The following MOCS2 variants were observed in gnomAD, a reference collection of about 807,000 sequenced individuals.
MOCS2 encodes the protein molybdenum cofactor synthesis 2, also known as molybdopterin synthase catalytic subunit.
In MOCS2, 13 loss-of-function variants were observed where a neutral mutation model predicts 21.9. The ratio of observed to expected loss-of-function variants is 0.59; its 90% CI spans 0.39 to 0.94. The LOEUF is 0.94. Among genes scored for constraint, MOCS2 ranks in the 40% least tolerant of loss-of-function variants. MOCS2 has a pLI of 0.00. For missense variants in MOCS2, 227 were observed against 218.3 expected, an observed-to-expected ratio of 1.04 and a Z score of -0.25; for synonymous variants, 92 against 80.8, an observed-to-expected ratio of 1.14 and a Z score of -0.74.
intron 3 of MOCS2, among the ~76,000 whole-genome samples, chr5:53,103,807 T>C (rs544147691): frequency 6.6e-6 from 1 of 152,296 alleles, no homozygotes; most frequent in South Asian, 2.1e-4. Context: ...AGAGCCTCTA[T>C]GAAAAGTTGC....
chr5:53,104,058 G>T (rs1740989372), intron 3 of MOCS2, among the ~76,000 whole-genome samples: 1 of 152,194 alleles, frequency 6.6e-6, no homozygotes, highest in Admixed American at 6.5e-5. Flanking sequence ...ACGAGAGAAA[G>T]AAGGCTCAGA....
rs1666113656 is a variant in MOCS2, at chr5:53,109,650, C to A, written c.-569G>T. ...AGGCTGGGTATGTGGAGGGAAAGGG[C>A]GGGAGAGACACGTCGAGGAGGGCTC... On this transcript the variant is annotated 5_prime_UTR_variant, in exon 1 of 7. Transcript: ENST00000396954. 2 of 1,547,462 alleles carry A rather than the reference C, an allele frequency of 1.3e-6. No homozygotes were observed. The highest frequency in any genetic ancestry group is 1.7e-6 in the Non-Finnish European group (2 of 1,145,698).
At position 53,108,652 on chromosome 5, in the gene MOCS2, A is replaced by G. The variant is rs1050876222; in HGVS notation, c.-169-9T>C. The G allele has an allele frequency of 3.1e-6, 5 of 1,611,546 alleles. No homozygotes were observed. The highest frequency in any genetic ancestry group is 1.7e-5 in the Admixed American group (1 of 59,568). ...AAATACAATACTTCAACCTGAAAGT[A>G]AAGAAAATGCTTTTAATAACAACTC... On this transcript the variant is annotated splice_polypyrimidine_tract_variant and intron_variant, in intron 1 of 6. Transcript: ENST00000396954.
chr5:53,098,418 C>T lies in MOCS2; in HGVS notation c.*184G>A. 1.6e-6 allele frequency: 1 copy of T among 615,046 alleles called. No individual in the cohort carries two copies. Among genetic ancestry groups the T allele is most frequent in the Non-Finnish European group, 2.9e-6 (1 of 343,714 alleles). 38.1% of individuals were successfully genotyped at this position (615,046 alleles called of 1,614,324 possible). On this transcript the variant is annotated 3_prime_UTR_variant, in exon 7 of 7. Coordinates refer to ENST00000396954, the MANE Select transcript of MOCS2 (RefSeq NM_004531.5). ...ACAGTCCTCCTTCTATCTTTAGTTC[C>T]ATTTTAAATAACCCTTCATCCTACA...
At position 53,098,667 on chromosome 5, in the gene MOCS2, C is replaced by T. The variant is rs121908605; in HGVS notation, c.502G>A (p.Glu168Lys). The T allele has an allele frequency of 1.2e-6, 2 of 1,611,356 alleles. No individual in the cohort carries two copies. The highest frequency in any genetic ancestry group is 1.7e-6 in the Non-Finnish European group (2 of 1,177,694). Reference protein sequence around the residue: ...LKAKVPIWKKEIYEESSTWKG... With the variant: ...LKAKVPIWKKKIYEESSTWKG... ...CAAGTTGATGACTCTTCGTATATTT[C>T]CTAAAAAACAAAATCATAACAGGTA... The change falls in exon 7 of 7, where the codon GAA becomes AAA. Residue 168 changes from glutamate (E) to lysine (K), a missense_variant and splice_region_variant. Physicochemically the swap from Glu to Lys is moderately conservative, Grantham distance 56. Transcript: ENST00000396954.
intron 6 of MOCS2, among the ~76,000 whole-genome samples, chr5:53,099,499 C>G (rs924737999): frequency 1.3e-5 from 2 of 152,192 alleles, no homozygotes; most frequent in African/African-American, 4.8e-5. Flanking sequence ...AACAATATAT[C>G]TGAGCTTCAC....
chr5:53,097,223 T>G lies in MOCS2; in HGVS notation c.*1379A>C, dbSNP rs1387366510. 6.6e-6 allele frequency: 1 copy of G among 152,210 alleles called. No individual in the cohort carries two copies. Among genetic ancestry groups the G allele is most frequent in the Admixed American group, 6.5e-5 (1 of 15,276 alleles). 9.4% of individuals were successfully genotyped at this position (152,210 alleles called of 1,614,324 possible). A position where few individuals can be genotyped will look rare whatever the true frequency, so the allele number is the denominator to read the frequency against. On this transcript the variant is annotated 3_prime_UTR_variant, in exon 7 of 7. Coordinates refer to ENST00000396954, the MANE Select transcript of MOCS2 (RefSeq NM_004531.5). ...GGACTAATGAACAAGCATCAACTGATGTAACCAGGTGATTCCTAAAGTCAG... is the reference window on the plus strand; with the variant it reads ...GGACTAATGAACAAGCATCAACTGAGGTAACCAGGTGATTCCTAAAGTCAG...
intron 2 of MOCS2, chr5:53,108,087 C>G (rs1021292228): frequency 2.0e-5 from 3 of 152,736 alleles, no homozygotes; most frequent in African/African-American, 7.2e-5. Context: ...TTAAATATTA[C>G]AAAAACTCAA....
rs1740780538 is a variant in MOCS2 at position 53,097,635 on chromosome 5, A to AAG, written c.*965_*966dup. 6.6e-6 allele frequency: 1 copy of AAG among 152,166 alleles called. No homozygotes were observed. Among genetic ancestry groups the AAG allele is most frequent in the African/African-American group, 2.4e-5 (1 of 41,454 alleles). 9.4% of individuals were successfully genotyped at this position (152,166 alleles called of 1,614,324 possible). A position where few individuals can be genotyped will look rare whatever the true frequency, so the allele number is the denominator to read the frequency against. On this transcript the variant is annotated 3_prime_UTR_variant, in exon 7 of 7. Transcript: ENST00000396954. ...GACCTTAAATATTCTCACCACACAG[A>AAG]AGAGGGGACTATGTGAGCTGAGGAA...
intron 3 of MOCS2, among the ~76,000 whole-genome samples, chr5:53,102,941 T>TA (rs1354534369): frequency 2.2e-5 from 3 of 138,296 alleles, no homozygotes; most frequent in African/African-American, 7.8e-5. Flanking sequence ...GACAAAGTGA[T>TA]ACCCCATCTC....
Position 53,107,062 on chromosome 5 carries a change from A to T in MOCS2, c.98+15T>A. On this transcript the variant is annotated intron_variant, in intron 3 of 6. Transcript: ENST00000396954. ...TTCCCCACACGACTGATTAAGAAAA[A>T]CAAATCTCACATACCTAGATGGCTC... The T allele has an allele frequency of 6.2e-7, 1 of 1,613,992 alleles. No individual in the cohort carries two copies. The highest frequency in any genetic ancestry group is 8.5e-7 in the Non-Finnish European group (1 of 1,179,936).
intron 2 of MOCS2, 137 bp downstream of exon 2, chr5:53,108,385 G>A (rs1741107846): frequency 3.6e-6 from 3 of 843,564 alleles, no homozygotes; most frequent in South Asian, 3.4e-5. Context: ...TTTTTCAGGT[G>A]TTCCAAAAAA....
chr5:53,103,216 TAA>T (rs1178169696), intron 3 of MOCS2, among the ~76,000 whole-genome samples: 1 of 152,134 alleles, frequency 6.6e-6, no homozygotes, highest in African/African-American at 2.4e-5. Flanking sequence ...AGGCATGACA[TAA>T]AAAGTAATCC....
chr5:53,107,421 T>C, intron 2 of MOCS2, 200 bp from the exon 3 acceptor site: 1 of 567,166 alleles, frequency 1.8e-6, no homozygotes, highest in East Asian at 3.0e-5. Flanking sequence ...TACGTTAAAC[T>C]GCTGTCAACT....
In MOCS2 at chr5:53,097,531, G is replaced by C. The variant is rs1191408657; in HGVS notation, c.*1071C>G. On this transcript the variant is annotated 3_prime_UTR_variant, in exon 7 of 7. Coordinates refer to ENST00000396954, the MANE Select transcript of MOCS2 (RefSeq NM_004531.5). ...TTAATATGCATAATGCAAATTTTGT[G>C]ATGATGCCGACTGCCCAAATTTTGC... is the stretch of plus-strand genomic sequence containing the variant. 6.6e-6 allele frequency: 1 copy of C among 152,134 alleles called. No individual in the cohort carries two copies. Among genetic ancestry groups the C allele is most frequent in the South Asian group, 2.1e-4 (1 of 4,818 alleles). The allele number at this position is 152,134 out of a possible 1,614,324, so 9.4% of individuals were successfully genotyped here.
At chr5:53,100,619 C>G in intron 5 of MOCS2, 85 bp from the exon 6 acceptor site, 1 of 1,425,520 alleles carries the variant, frequency 7.0e-7, no homozygotes, top group Non-Finnish European at 9.8e-7. Flanking sequence ...GAAAAAAAAT[C>G]CAGGTATGCA....
At chr5:53,101,296 AGAGT>A in intron 5 of MOCS2, 59 bp downstream of exon 5, 1 of 1,454,404 alleles carries the variant, frequency 6.9e-7, no homozygotes, top group South Asian at 1.1e-5. Context: ...TTCAAGAATC[AGAGT>A]TAGTACAAAG....
chr5:53,099,498 T>A (rs977837611), intron 6 of MOCS2, among the ~76,000 whole-genome samples: 2 of 152,216 alleles, frequency 1.3e-5, no homozygotes, highest in African/African-American at 4.8e-5. Context: ...GAACAATATA[T>A]CTGAGCTTCA....
Position 53,108,482 on chromosome 5 carries a change from C to T in MOCS2, c.-48+40G>A, listed in dbSNP as rs153602. ...TATCATTTATGTATTTTGAAAATAT[C>T]TAAGTGTTACTCATATGCATTCTAC... On this transcript the variant is annotated intron_variant, in intron 2 of 6. Coordinates refer to ENST00000396954, the MANE Select transcript of MOCS2 (RefSeq NM_004531.5). 0.46 allele frequency: 715,137 copies of T among 1,541,058 alleles called. 169,285 individuals are homozygous for T. Among genetic ancestry groups the T allele is most frequent in the African/African-American group, 0.62 (45,016 of 72,150 alleles).
Sources: gnomAD v4.1 joint callset for allele counts (sites outside exome capture counted in the v4.1 genomes callset) on GRCh38, gnomAD v4.1.1 for gene constraint, MANE v1.5 for transcripts, NCBI Gene and HGNC (gene_info 2026-07-23, HGNC 2026-07-21) for gene names.